Variants in CDK5RAP1 observed in about 807,000 individuals in gnomAD.
CDK5RAP1 encodes CDK5RAP1 mitochondrial tRNA methylthiotransferase.
A neutral mutation model predicts 64.5 loss-of-function variants in CDK5RAP1; 62 were observed. The observed-to-expected ratio is 0.96, with a 90% CI of 0.78 to 1.19. The LOEUF is 1.19. Ranked by LOEUF, CDK5RAP1 falls within the 50% of genes most tolerant of loss-of-function variation. The pLI, the probability that CDK5RAP1 is intolerant of heterozygous loss-of-function variation, is 0.00. For synonymous variants in CDK5RAP1, 250 were observed against 261.9 expected, an observed-to-expected ratio of 0.95 and a Z score of 0.44; for missense variants, 657 against 735.0, an observed-to-expected ratio of 0.89 and a Z score of 1.23.
Position 33,385,714 on chromosome 20 carries a change from C to CG in CDK5RAP1, c.811dup (p.Arg271ProfsTer21), listed in dbSNP as rs747627138. The CG allele has an allele frequency of 6.2e-7, 1 of 1,614,008 alleles. No individual in the cohort carries two copies. The highest frequency in any genetic ancestry group is 1.1e-5 in the South Asian group (1 of 91,080). Reference sequence around the variant, plus strand: ...AATAGGCCGACTCCTCTCCCTGCCCCGGGTGAAAGGAACAATGCAGTAGCT... The same window carrying CG: ...AATAGGCCGACTCCTCTCCCTGCCCCGGGGTGAAAGGAACAATGCAGTAGCT... On this transcript the variant is annotated frameshift_variant, in exon 7 of 14. Transcript: ENST00000346416. LOFTEE classifies it high-confidence loss of function.
intron 5 of CDK5RAP1, among the ~76,000 whole-genome samples, chr20:33,390,903 A>C (rs1207267407): frequency 1.3e-5 from 2 of 152,192 alleles, no homozygotes; most frequent in African/African-American, 2.4e-5. Context: ...GAGACAGAAA[A>C]GGGTAGAGAA....
chr20:33,380,651 C>T (rs558921932), intron 7 of CDK5RAP1, among the ~76,000 whole-genome samples: 1 of 152,202 alleles, frequency 6.6e-6, no homozygotes, highest in East Asian at 1.9e-4. Flanking sequence ...AGGTGTATGA[C>T]AAAATGTTAA....
intron 8 of CDK5RAP1, among the ~76,000 whole-genome samples, chr20:33,375,419 A>G (rs1568696570): frequency 6.7e-6 from 1 of 148,576 alleles, no homozygotes; most frequent in East Asian, 1.9e-4. Context: ...AAAAAAAAAG[A>G]AAAAGAAAAG....
At chr20:33,366,220 G>A (rs1466239344) in intron 12 of CDK5RAP1, among the ~76,000 whole-genome samples, 2 of 151,104 alleles carry the variant, frequency 1.3e-5, no homozygotes, top group African/African-American at 4.9e-5. Context: ...TCTGGAGGCT[G>A]AGGCAGGAGA....
At chr20:33,370,045 T>C (rs1174608067) in intron 11 of CDK5RAP1, among the ~76,000 whole-genome samples, 1 of 152,174 alleles carries the variant, frequency 6.6e-6, no homozygotes, top group Non-Finnish European at 1.5e-5. Context: ...TGCCTGGGAA[T>C]CTGCTTTGTT....
chr20:33,368,085 T>A (rs2146601020), intron 11 of CDK5RAP1, among the ~76,000 whole-genome samples: 1 of 152,356 alleles, frequency 6.6e-6, no homozygotes, highest in Admixed American at 6.5e-5. Flanking sequence ...ATGAGGTTGG[T>A]ACCAATGTTG....
chr20:33,372,842 G>T, intron 9 of CDK5RAP1, 145 bp from the exon 10 acceptor site: 1 of 553,960 alleles, frequency 1.8e-6, no homozygotes. Context: ...GTATCCAAAA[G>T]AGCCCTTTTG....
chr20:33,381,317 A>G (rs1219889168), intron 7 of CDK5RAP1, among the ~76,000 whole-genome samples: 2 of 152,226 alleles, frequency 1.3e-5, no homozygotes, highest in Non-Finnish European at 2.9e-5. Flanking sequence ...ATTCTCCTAT[A>G]TAATTTCAGG....
Position 33,358,954 on chromosome 20 carries a change from T to C in CDK5RAP1, c.*89A>G. 1.0e-6 allele frequency: 1 copy of C among 959,628 alleles called. No homozygotes were observed. Among genetic ancestry groups the C allele is most frequent in the Non-Finnish European group, 1.7e-6 (1 of 605,056 alleles). The allele number at this position is 959,628 out of a possible 1,614,324, so 59.4% of individuals were successfully genotyped here. On this transcript the variant is annotated 3_prime_UTR_variant, in exon 14 of 14. Coordinates refer to ENST00000346416, the MANE Select transcript of CDK5RAP1 (RefSeq NM_016408.4). ...TCGCCCCTTGCAGCTTATCTCCACCTTCATGACCTGTTTCCTCAGTGGCAG... is the reference window on the plus strand; with the variant it reads ...TCGCCCCTTGCAGCTTATCTCCACCCTCATGACCTGTTTCCTCAGTGGCAG...
At chr20:33,365,585 T>G (rs1056318952) in intron 12 of CDK5RAP1, among the ~76,000 whole-genome samples, 3 of 113,606 alleles carry the variant, frequency 2.6e-5, no homozygotes, top group Non-Finnish European at 5.0e-5. Flanking sequence ...ATGTTTAAAA[T>G]TCTCTATAAT....
rs764785381 is a variant in CDK5RAP1 at position 33,391,761 on chromosome 20, G to A, written c.544+381C>T. ...CTTGCACCCAGGAGGCAGAAGTTGC[G>A]GTGAGCCAAGATCTCGCCATTGCAC... On this transcript the variant is annotated intron_variant, in intron 5 of 13. Transcript: ENST00000346416. 4.6e-5 allele frequency among the ~76,000 whole-genome samples: 7 copies of A among 151,912 alleles called. No individual in the cohort carries two copies. In the East Asian group the frequency reaches 5.8e-4, roughly 13 times the overall value.
intron 11 of CDK5RAP1, among the ~76,000 whole-genome samples, chr20:33,369,990 G>A (rs561721236): frequency 1.3e-5 from 2 of 152,244 alleles, no homozygotes; most frequent in African/African-American, 2.4e-5. Context: ...TTCTCTTCAG[G>A]AAAAGTGCAC....
At chr20:33,367,677 A>T (rs949727001) in intron 11 of CDK5RAP1, among the ~76,000 whole-genome samples, 4 of 152,226 alleles carry the variant, frequency 2.6e-5, no homozygotes, top group Non-Finnish European at 5.9e-5. Flanking sequence ...CATGTACAGC[A>T]CTTAACCTTT....
chr20:33,374,049 G>A, intron 9 of CDK5RAP1, 66 bp downstream of exon 9: 2 of 1,080,270 alleles, frequency 1.9e-6, no homozygotes, highest in East Asian at 4.7e-5. Context: ...TGGCAACAAG[G>A]ACACTGTTTG....
At chr20:33,361,851 G>A (rs1455863547) in intron 12 of CDK5RAP1, among the ~76,000 whole-genome samples, 1 of 150,858 alleles carries the variant, frequency 6.6e-6, no homozygotes, top group Non-Finnish European at 1.5e-5. Context: ...AGTGACTCGG[G>A]AGACTGAGGC....
intron 8 of CDK5RAP1, 106 bp from the exon 9 acceptor site, chr20:33,374,318 T>G (rs1985614139): frequency 1.4e-6 from 1 of 716,062 alleles, no homozygotes; most frequent in African/African-American, 1.8e-5. Context: ...TTTCACATAA[T>G]TAAGAGGCTA....
rs756690799 is a variant in CDK5RAP1 at position 33,359,147 on chromosome 20, A to C, written c.1684-24T>G. 7.1e-6 allele frequency: 11 copies of C among 1,556,968 alleles called. No homozygotes were observed. In the Admixed American group the frequency reaches 1.8e-4, roughly 26 times the overall value. On this transcript the variant is annotated intron_variant, in intron 13 of 13. Transcript: ENST00000346416. Reference sequence around the variant, plus strand: ...ATCTGAAAGAAAACCAGGCAGAAGAAGGCAAAATAACTAGGACTGTAGCAC... The same window carrying C: ...ATCTGAAAGAAAACCAGGCAGAAGACGGCAAAATAACTAGGACTGTAGCAC...
intron 12 of CDK5RAP1, among the ~76,000 whole-genome samples, chr20:33,361,849 G>A (rs979947585): frequency 5.3e-5 from 8 of 151,442 alleles, no homozygotes; most frequent in African/African-American, 1.2e-4. Flanking sequence ...CCAGTGACTC[G>A]GGAGACTGAG....
intron 5 of CDK5RAP1, among the ~76,000 whole-genome samples, chr20:33,388,713 G>A (rs1467520995): frequency 6.6e-6 from 1 of 151,866 alleles, no homozygotes. Flanking sequence ...TCTGCTCACT[G>A]CAACCTCCCT....
Sources: gnomAD v4.1 joint callset for allele counts (sites outside exome capture counted in the v4.1 genomes callset) on GRCh38, gnomAD v4.1.1 for gene constraint, MANE v1.5 for transcripts, NCBI Gene and HGNC (gene_info 2026-07-23, HGNC 2026-07-21) for gene names.